Variants in ZKSCAN1 observed in about 807,000 individuals in gnomAD.
The protein encoded by ZKSCAN1 is zinc finger protein with KRAB and SCAN domains 1.
A neutral mutation model predicts 51.6 loss-of-function variants in ZKSCAN1; 14 were observed. That is an observed-to-expected ratio of 0.27 (90% CI 0.18 to 0.42). ZKSCAN1 has a LOEUF of 0.42. Ranked by LOEUF, ZKSCAN1 falls within the 10% of genes least tolerant of loss-of-function variation. ZKSCAN1 has a pLI of 1.00. For synonymous variants in ZKSCAN1, 263 were observed against 261.5 expected (o/e 1.01, Z -0.06); for missense variants, 531 against 710.0 (o/e 0.75, Z 2.86).
downstream of ZKSCAN1, among the ~76,000 whole-genome samples, chr7:100,043,997 G>A (rs776649385): frequency 6.6e-6 from 1 of 151,546 alleles, no homozygotes; most frequent in Non-Finnish European, 1.5e-5. Context: ...GGCTGGTCTC[G>A]AACTCCTGAC....
At chr7:100,041,991 A>G (rs1261750060), downstream of ZKSCAN1, among the ~76,000 whole-genome samples, 1 of 152,144 alleles carries the variant, frequency 6.6e-6, no homozygotes, top group African/African-American at 2.4e-5. Context: ...CCCTCTCCCC[A>G]TATGGAATTA....
In ZKSCAN1 at chr7:100,037,020, C is replaced by T. The variant is rs767355604; in HGVS notation, c.*2823C>T. On this transcript the variant is annotated 3_prime_UTR_variant, in exon 6 of 6. Coordinates refer to ENST00000324306, the MANE Select transcript of ZKSCAN1 (RefSeq NM_003439.4). The stretch of plus-strand genomic sequence containing the variant: ...GCTTCGATCTTCAGCCACATGCTGT[C>T]CTTGAAGCAGCTATTTGAAGATGTG... 7.1e-6 allele frequency: 7 copies of T among 985,364 alleles called. No individual in the cohort carries two copies. The highest frequency in any genetic ancestry group is 7.2e-6 in the Non-Finnish European group (6 of 829,920). 61.0% of individuals were successfully genotyped at this position (985,364 alleles called of 1,614,324 possible). A position where few individuals can be genotyped will look rare whatever the true frequency, so the allele number is the denominator to read the frequency against.
chr7:100,041,524 C>T lies in ZKSCAN1; in HGVS notation c.*7327C>T. On this transcript the variant is annotated 3_prime_UTR_variant, in exon 6 of 6. Transcript: ENST00000324306. The stretch of plus-strand genomic sequence containing the variant: ...AAAAGGCAGCATAATGAAATGTGTA[C>T]ACATACATAGTCAGTGGTCCATTTT... 1.0e-6 allele frequency: 1 copy of T among 985,094 alleles called. No homozygotes were observed. The highest frequency in any genetic ancestry group is 1.2e-6 in the Non-Finnish European group (1 of 829,914). 61.0% of individuals were successfully genotyped at this position (985,094 alleles called of 1,614,324 possible). A position where few individuals can be genotyped will look rare whatever the true frequency, so the allele number is the denominator to read the frequency against.
chr7:100,031,677 C>T (rs1791111891), intron 5 of ZKSCAN1, among the ~76,000 whole-genome samples: 1 of 152,052 alleles, frequency 6.6e-6, no homozygotes, highest in Admixed American at 6.6e-5. Context: ...CCACTTTTTT[C>T]CACCTACTCC....
chr7:100,031,800 G>C (rs1791117401), intron 5 of ZKSCAN1, among the ~76,000 whole-genome samples: 1 of 152,178 alleles, frequency 6.6e-6, no homozygotes, highest in African/African-American at 2.4e-5. Flanking sequence ...TCCTTGACCA[G>C]GCACAATGGC....
At position 100,023,944 on chromosome 7, in the gene ZKSCAN1, T is replaced by C; in HGVS notation, c.426+12T>C. ...TATCAGGACAACAGGTAAAAAGAGG[T>C]GAAACCTATTATGTGTGAGCAGGGC... is the stretch of plus-strand genomic sequence containing the variant. On this transcript the variant is annotated intron_variant, in intron 2 of 5. Transcript: ENST00000324306. 6.4e-7 allele frequency: 1 copy of C among 1,564,738 alleles called. No homozygotes were observed. The highest frequency in any genetic ancestry group is 8.6e-7 in the Non-Finnish European group (1 of 1,162,364).
rs1248513028 is a variant in ZKSCAN1 at position 100,038,986 on chromosome 7, C to T, written c.*4789C>T. 3.1e-5 allele frequency: 4 copies of T among 129,558 alleles called. No homozygotes were observed. The highest frequency in any genetic ancestry group is 2.5e-4 in the South Asian group (1 of 3,986). The allele number at this position is 129,558 out of a possible 1,614,324, so 8.0% of individuals were successfully genotyped here. On this transcript the variant is annotated 3_prime_UTR_variant, in exon 6 of 6. Transcript: ENST00000324306. ...CTCCAGCCTGGGTGATGGCGTGAGA[C>T]TCCATGTCAAAAAAAAAAAAAAGGT...
At position 100,034,403 on chromosome 7, in the gene ZKSCAN1, A is replaced by T; in HGVS notation, c.*206A>T. The T allele has an allele frequency of 7.6e-7, 1 of 1,308,736 alleles. No individual in the cohort carries two copies. Among genetic ancestry groups the T allele is most frequent in the Non-Finnish European group, 9.7e-7 (1 of 1,034,542 alleles). 81.1% of individuals were successfully genotyped at this position (1,308,736 alleles called of 1,614,324 possible). On this transcript the variant is annotated 3_prime_UTR_variant, in exon 6 of 6. Coordinates refer to ENST00000324306, the MANE Select transcript of ZKSCAN1 (RefSeq NM_003439.4). Reference sequence around the variant, plus strand: ...CCTTCCACACAGCCCCTGCAGGGAAAGGCTAATCTTACGGATAATCCACGT... The same window carrying T: ...CCTTCCACACAGCCCCTGCAGGGAATGGCTAATCTTACGGATAATCCACGT...
rs1025187053 is a variant in ZKSCAN1, at chr7:100,034,932, C to G, written c.*735C>G. On this transcript the variant is annotated 3_prime_UTR_variant, in exon 6 of 6. Transcript: ENST00000324306. ...AATACATCTCTCCCTTCTTGAAATC[C>G]CTAAAGCACTATCGCACTCCTAAAT... is the stretch of plus-strand genomic sequence containing the variant. The G allele has an allele frequency of 6.6e-6, 1 of 152,656 alleles. No homozygotes were observed. The allele number at this position is 152,656 out of a possible 1,614,324, so 9.5% of individuals were successfully genotyped here.
In ZKSCAN1 at chr7:100,035,716, T is replaced by G. The variant is rs1178372290; in HGVS notation, c.*1519T>G. Reference sequence around the variant, plus strand: ...GTGGCTGGCTGTGCCATCGTCATAGTGCACAGTGACTTTTCTGTTTCTTAT... The same window carrying G: ...GTGGCTGGCTGTGCCATCGTCATAGGGCACAGTGACTTTTCTGTTTCTTAT... On this transcript the variant is annotated 3_prime_UTR_variant, in exon 6 of 6. Coordinates refer to ENST00000324306, the MANE Select transcript of ZKSCAN1 (RefSeq NM_003439.4). The G allele has an allele frequency of 5.0e-6, 2 of 399,784 alleles. No homozygotes were observed. Among genetic ancestry groups the G allele is most frequent in the Admixed American group, 1.3e-4 (2 of 15,592 alleles). The allele number at this position is 399,784 out of a possible 1,614,324, so 24.8% of individuals were successfully genotyped here.
At chr7:100,016,561 A>G (rs1308825653) in intron 1 of ZKSCAN1, among the ~76,000 whole-genome samples, 4 of 152,194 alleles carry the variant, frequency 2.6e-5, no homozygotes, top group Non-Finnish European at 4.4e-5. Context: ...ATAAAAACTA[A>G]CTGGATTTTC....
intron 3 of ZKSCAN1, 145 bp from the exon 4 acceptor site, chr7:100,029,716 G>A (rs1046718721): frequency 1.6e-5 from 11 of 697,758 alleles, no homozygotes; most frequent in South Asian, 6.0e-5. Context: ...GTGTTCTCTC[G>A]TTTGTGTTGT....
chr7:100,023,957 G>A, intron 2 of ZKSCAN1, 25 bp downstream of exon 2: 1 of 1,550,236 alleles, frequency 6.5e-7, no homozygotes, highest in Non-Finnish European at 8.7e-7. Flanking sequence ...AACCTATTAT[G>A]TGTGAGCAGG....
intron 5 of ZKSCAN1, among the ~76,000 whole-genome samples, chr7:100,031,849 A>G (rs548525418): frequency 1.3e-5 from 2 of 152,260 alleles, no homozygotes; most frequent in East Asian, 3.9e-4. Flanking sequence ...GGCTGTGGCA[A>G]GAGGATCGCT....
intron 3 of ZKSCAN1, among the ~76,000 whole-genome samples, chr7:100,026,727 A>G (rs529362924): frequency 2.0e-5 from 3 of 149,910 alleles, no homozygotes; most frequent in South Asian, 2.1e-4. Flanking sequence ...TCTGTCTCAG[A>G]AAAAAAAAAT....
At position 100,036,443 on chromosome 7, in the gene ZKSCAN1, G is replaced by A; in HGVS notation, c.*2246G>A. The A allele has an allele frequency of 3.0e-6, 3 of 985,430 alleles. No homozygotes were observed. Among genetic ancestry groups the A allele is most frequent in the African/African-American group, 3.5e-5 (2 of 57,362 alleles). 61.0% of individuals were successfully genotyped at this position (985,430 alleles called of 1,614,324 possible). The stretch of plus-strand genomic sequence containing the variant: ...CTCTAGAAAGCAACTGAGGCCAGGT[G>A]CGGTGGCTCACGCCTGTAATCCCAG... On this transcript the variant is annotated 3_prime_UTR_variant, in exon 6 of 6. Transcript: ENST00000324306.
At chr7:100,031,755 G>C (rs2115923436) in intron 5 of ZKSCAN1, among the ~76,000 whole-genome samples, 1 of 152,254 alleles carries the variant, frequency 6.6e-6, no homozygotes, top group Middle Eastern at 3.4e-3. Flanking sequence ...TCCTGTGTCT[G>C]AAGATTCCTG....
intron 1 of ZKSCAN1, among the ~76,000 whole-genome samples, chr7:100,018,797 C>G (rs1354907367): frequency 6.6e-6 from 1 of 152,170 alleles, no homozygotes; most frequent in Non-Finnish European, 1.5e-5. Flanking sequence ...CCCAGCCTTT[C>G]CACTGCTGTG....
chr7:100,024,179 A>G lies in ZKSCAN1; in HGVS notation c.452A>G (p.Glu151Gly), dbSNP rs1790714446. The G allele has an allele frequency of 6.2e-7, 1 of 1,613,872 alleles. No individual in the cohort carries two copies. Among genetic ancestry groups the G allele is most frequent in the South Asian group, 1.1e-5 (1 of 91,058 alleles). ...QQVPGQVHGP[E>G]MLARGMVPLD... The stretch of plus-strand genomic sequence containing the variant: ...GTCCCAGGTCAAGTTCATGGACCTG[A>G]GATGCTCGCAAGGGGGATGGTGCCT... The change falls in exon 3 of 6, where the codon GAG (glutamate) becomes GGG (glycine). Residue 151 changes from glutamate (E) to glycine (G), a missense_variant. Glu to Gly is a moderately conservative substitution (Grantham distance 98, BLOSUM62 -2). Transcript: ENST00000324306.
Sources: gnomAD v4.1 joint callset for allele counts (sites outside exome capture counted in the v4.1 genomes callset) on GRCh38, gnomAD v4.1.1 for gene constraint, MANE v1.5 for transcripts, NCBI Gene and HGNC (gene_info 2026-07-23, HGNC 2026-07-21) for gene names.